The following COL14A1 variants were observed in gnomAD, a reference collection of about 807,000 sequenced individuals.
COL14A1 encodes collagen type XIV alpha 1 chain.
Under a neutral mutation model 230.3 loss-of-function variants are expected in COL14A1, and 136 were observed. The ratio of observed to expected loss-of-function variants is 0.59; its 90% CI spans 0.51 to 0.68. The LOEUF (loss-of-function observed/expected upper bound fraction) is 0.68, where lower values mean the gene tolerates loss of function less well. Ranked by LOEUF, COL14A1 falls within the 30% of genes least tolerant of loss-of-function variation. The pLI, the probability that COL14A1 is intolerant of heterozygous loss-of-function variation, is 0.00. For synonymous variants in COL14A1, 792 were observed against 784.1 expected (o/e 1.01, Z -0.17); for missense variants, 1,976 against 2,215.8 (o/e 0.89, Z 2.17).
Position 120,297,503 on chromosome 8 carries a change from A to G in COL14A1, c.4237-8A>G. ...TTATTGAATGACAATTTTCTTTTTA[A>G]ATCATAGTTCCAGTTACAGATGTTT... On this transcript the variant is annotated splice_region_variant and splice_polypyrimidine_tract_variant and intron_variant, in intron 34 of 47. Coordinates refer to ENST00000297848, the MANE Select transcript of COL14A1 (RefSeq NM_021110.4). 1 of 1,423,790 alleles carries G rather than the reference A, an allele frequency of 7.0e-7. No individual in the cohort carries two copies. Among genetic ancestry groups the G allele is most frequent in the Non-Finnish European group, 9.2e-7 (1 of 1,084,908 alleles). The allele number at this position is 1,423,790 out of a possible 1,614,324, so 88.2% of individuals were successfully genotyped here. A position where few individuals can be genotyped will look rare whatever the true frequency, so the allele number is the denominator to read the frequency against.
At chr8:120,209,200 TC>T (rs1451206011) in intron 11 of COL14A1, among the ~76,000 whole-genome samples, 4 of 151,998 alleles carry the variant, frequency 2.6e-5, no homozygotes, top group African/African-American at 9.7e-5. Context: ...CAAAACCCGA[TC>T]TCTACAAAAA....
intron 14 of COL14A1, among the ~76,000 whole-genome samples, chr8:120,218,588 G>A (rs1028537297): frequency 2.6e-5 from 4 of 152,152 alleles, no homozygotes; most frequent in African/African-American, 9.7e-5. Flanking sequence ...GGGATTACAG[G>A]CGTGAACCAC....
At chr8:120,311,392 C>T (rs1012935534) in intron 37 of COL14A1, among the ~76,000 whole-genome samples, 22 of 152,248 alleles carry the variant, frequency 1.4e-4, no homozygotes, top group African/African-American at 5.3e-4. Flanking sequence ...ACTGGATGAT[C>T]GTTCTAATCA....
At chr8:120,370,489 G>A in intron 47 of COL14A1, 1 of 1,508,060 alleles carries the variant, frequency 6.6e-7, no homozygotes, top group Admixed American at 2.2e-5. Context: ...CTGCTTCCCT[G>A]CTTCTTCTGC....
At chr8:120,358,850 AC>A (rs1197948075) in intron 45 of COL14A1, among the ~76,000 whole-genome samples, 1 of 152,162 alleles carries the variant, frequency 6.6e-6, no homozygotes, top group Non-Finnish European at 1.5e-5. Flanking sequence ...CAAAGCCATG[AC>A]TGTAATAAGT....
chr8:120,317,821 A>G (rs1821285133), intron 40 of COL14A1, among the ~76,000 whole-genome samples: 1 of 152,182 alleles, frequency 6.6e-6, no homozygotes, highest in Non-Finnish European at 1.5e-5. Flanking sequence ...AAAGGCTTAG[A>G]GCTGTAATAA....
At chr8:120,224,023 C>CT (rs962510256) in intron 14 of COL14A1, among the ~76,000 whole-genome samples, 3,806 of 78,090 alleles carry the variant, frequency 0.049, 333 homozygotes, top group Middle Eastern at 0.061. Flanking sequence ...CCCTCATCTC[C>CT]TTTTTTTTTT....
intron 23 of COL14A1, among the ~76,000 whole-genome samples, chr8:120,257,459 G>C (rs1368229308): frequency 6.6e-6 from 1 of 152,142 alleles, no homozygotes; most frequent in Non-Finnish European, 1.5e-5. Context: ...AGTGAGTGTG[G>C]GGGTGGCAGT....
chr8:120,140,883 G>A (rs1814884378), intron 1 of COL14A1, among the ~76,000 whole-genome samples: 1 of 152,144 alleles, frequency 6.6e-6, no homozygotes, highest in Non-Finnish European at 1.5e-5. Flanking sequence ...GTTACTGATT[G>A]TAAAATTATG....
chr8:120,226,508 C>T, intron 15 of COL14A1, 119 bp from the exon 16 acceptor site: 1 of 1,018,998 alleles, frequency 9.8e-7, no homozygotes, highest in Non-Finnish European at 1.4e-6. Flanking sequence ...TCCTTCTTTC[C>T]TGTGCTTTCC....
At chr8:120,219,497 A>AAAG (rs1817863087) in intron 14 of COL14A1, among the ~76,000 whole-genome samples, 1 of 152,196 alleles carries the variant, frequency 6.6e-6, no homozygotes, top group Admixed American at 6.5e-5. Flanking sequence ...TTGCAGGTGT[A>AAAG]TTCCTCATAG....
chr8:120,124,909 C>A (rs924645658), upstream of COL14A1, among the ~76,000 whole-genome samples: 33 of 152,142 alleles, frequency 2.2e-4, no homozygotes, highest in Non-Finnish European at 4.4e-4. Context: ...GGGGGGACCG[C>A]CAGGTTCGGG....
intron 17 of COL14A1, 120 bp downstream of exon 17, chr8:120,227,472 C>A: frequency 7.8e-7 from 1 of 1,277,714 alleles, no homozygotes. Flanking sequence ...CTCTTTGTCC[C>A]CCAGAATTCT....
intron 26 of COL14A1, among the ~76,000 whole-genome samples, chr8:120,271,481 G>C (rs1819664326): frequency 2.0e-5 from 3 of 151,630 alleles, no homozygotes; most frequent in African/African-American, 7.3e-5. Context: ...AGAGTGATGT[G>C]ATTTAAAGAT....
chr8:120,333,380 G>T (rs1443030072), intron 42 of COL14A1, among the ~76,000 whole-genome samples: 1 of 152,200 alleles, frequency 6.6e-6, no homozygotes, highest in African/African-American at 2.4e-5. Flanking sequence ...CATGGCCTCT[G>T]GAGACATGCT....
chr8:120,188,078 G>A (rs1194810012), intron 5 of COL14A1, among the ~76,000 whole-genome samples: 2 of 143,938 alleles, frequency 1.4e-5, no homozygotes, highest in Non-Finnish European at 3.1e-5. Flanking sequence ...AGTGTGGAAG[G>A]CTTAACTTTT....
Position 120,278,239 on chromosome 8 carries a change from G to T in COL14A1, c.3337+5G>T. On this transcript the variant is annotated splice_donor_5th_base_variant and intron_variant, in intron 27 of 47. Transcript: ENST00000297848. ...AAGGAGGAAATACAAAAACAGGTATGACCAAAAGAAGCCCAGCTAAGGCTC... is the reference window on the plus strand; with the variant it reads ...AAGGAGGAAATACAAAAACAGGTATTACCAAAAGAAGCCCAGCTAAGGCTC... 5 of 1,599,342 alleles carry T rather than the reference G, an allele frequency of 3.1e-6. No homozygotes were observed. In the South Asian group the frequency reaches 3.4e-5, roughly 11 times the overall value.
In COL14A1 at chr8:120,217,206, G is replaced by T. The variant is rs1290565710; in HGVS notation, c.1737+716G>T. On this transcript the variant is annotated intron_variant, in intron 14 of 47. Transcript: ENST00000297848. ...CTGTTGTCTAGTTTATCCTGCTTTT[G>T]AGTAAACTGGCATCTGAAAGGCTCT... is the stretch of plus-strand genomic sequence containing the variant. 2.0e-5 allele frequency among the ~76,000 whole-genome samples: 3 copies of T among 152,146 alleles called. No individual in the cohort carries two copies. The East Asian group carries it at 5.8e-4, about 29-fold the overall frequency.
intron 24 of COL14A1, 77 bp downstream of exon 24, chr8:120,263,091 A>G: frequency 2.1e-6 from 3 of 1,432,792 alleles, no homozygotes; most frequent in Non-Finnish European, 2.8e-6. Context: ...TCCTTATCCC[A>G]TTTAGAAAAA....
Sources: allele counts gnomAD v4.1 joint callset (sites outside exome capture counted in the v4.1 genomes callset), GRCh38; gene constraint gnomAD v4.1.1; transcripts MANE v1.5; gene names NCBI Gene and HGNC (gene_info 2026-07-23, HGNC 2026-07-21).